The following NXPE2 variants were observed in gnomAD, a reference collection of about 807,000 sequenced individuals.
The protein encoded by NXPE2 is neurexophilin and PC-esterase domain family member 2, also known as NXPE family member 2.
NXPE2 carries 34 observed loss-of-function variants against 34.4 expected under a neutral mutation model. That is an observed-to-expected ratio of 0.99 (90% CI 0.75 to 1.31). The LOEUF is 1.31. Ranked by LOEUF, NXPE2 falls within the 40% of genes most tolerant of loss-of-function variation. The probability of loss-of-function intolerance (pLI) is 0.00; values close to 1 mark genes in which losing one functional copy is unlikely to be tolerated. For synonymous variants in NXPE2, 235 were observed against 231.3 expected, an observed-to-expected ratio of 1.02 and a Z score of -0.15; for missense variants, 649 against 672.5, an observed-to-expected ratio of 0.97 and a Z score of 0.39.
chr11:114,705,619 C>A (rs576095895), intron 4 of NXPE2, among the ~76,000 whole-genome samples, 162 bp from the exon 5 acceptor site: 4 of 152,114 alleles, frequency 2.6e-5, no homozygotes, highest in Admixed American at 2.6e-4. Context: ...ACCCTTTTAA[C>A]ATGATCTTAT....
chr11:114,678,699 C>T, intron 1 of NXPE2, 98 bp downstream of exon 1: 1 of 837,802 alleles, frequency 1.2e-6, no homozygotes. Context: ...TGATGCAACC[C>T]TTTAGAGGAT....
At chr11:114,647,480 T>C in the NXPE2 span, among the ~76,000 whole-genome samples, 3 of 152,194 alleles carry the variant, frequency 2.0e-5, no homozygotes, top group Non-Finnish European at 4.4e-5. Context: ...TACCATGTTT[T>C]ATTTCCTTAA....
chr11:114,737,119 A>G, the NXPE2 span, among the ~76,000 whole-genome samples: 3 of 152,258 alleles, frequency 2.0e-5, no homozygotes, highest in South Asian at 2.1e-4. Context: ...CTTATTTTCT[A>G]TGTTCTGACA....
intron 2 of NXPE2, among the ~76,000 whole-genome samples, chr11:114,684,224 G>A (rs565176355): frequency 1.9e-4 from 29 of 152,124 alleles, no homozygotes; most frequent in African/African-American, 4.6e-4. Flanking sequence ...TCAGGAGATC[G>A]AGACCATCCT....
the NXPE2 span, among the ~76,000 whole-genome samples, chr11:114,548,826 A>G: frequency 1.3e-5 from 2 of 151,932 alleles, no homozygotes; most frequent in Non-Finnish European, 2.9e-5. Flanking sequence ...TAATGCATTA[A>G]AATACAGAAA....
At chr11:114,574,779 A>G in the NXPE2 span, among the ~76,000 whole-genome samples, 1 of 152,028 alleles carries the variant, frequency 6.6e-6, no homozygotes, top group Non-Finnish European at 1.5e-5. Context: ...AAATTCAAAC[A>G]AATCCTATTC....
At chr11:114,582,509 G>T in the NXPE2 span, 1 of 1,614,122 alleles carries the variant, frequency 6.2e-7, no homozygotes, top group Non-Finnish European at 8.5e-7. Context: ...GGCCAGTGAA[G>T]ATCACCCTGT....
the NXPE2 span, among the ~76,000 whole-genome samples, chr11:114,656,247 G>A: frequency 2.0e-5 from 3 of 152,016 alleles, no homozygotes; most frequent in African/African-American, 7.2e-5. Context: ...TCTTCAAGGA[G>A]AACTACAAGC....
the NXPE2 span, chr11:114,527,796 A>T: frequency 7.1e-7 from 1 of 1,413,102 alleles, no homozygotes; most frequent in Non-Finnish European, 9.7e-7. Context: ...TGCTGATAAA[A>T]GTTTCCTCTG....
At chr11:114,679,511 T>C in intron 1 of NXPE2, 146 bp from the exon 2 acceptor site, 1 of 481,858 alleles carries the variant, frequency 2.1e-6, no homozygotes, top group Non-Finnish European at 3.7e-6. Context: ...TGTTTCTGAT[T>C]GACAATAGAA....
chr11:114,586,395 G>T, the NXPE2 span, among the ~76,000 whole-genome samples: 1 of 152,106 alleles, frequency 6.6e-6, no homozygotes, highest in African/African-American at 2.4e-5. Flanking sequence ...TATAGAAGTG[G>T]ACCCCAACTC....
At chr11:114,474,298 A>T in the NXPE2 span, among the ~76,000 whole-genome samples, 38,531 of 151,992 alleles carry the variant, frequency 0.25, 5,023 homozygotes, top group East Asian at 0.37. Flanking sequence ...GTTAGAGAGG[A>T]GATCCAAAGG....
chr11:114,685,646 A>ATG (rs937099350), intron 2 of NXPE2, among the ~76,000 whole-genome samples: 10 of 151,992 alleles, frequency 6.6e-5, no homozygotes, highest in African/African-American at 1.2e-4. Flanking sequence ...TAGTGTGTGT[A>ATG]TGTGTGTGTG....
chr11:114,787,176 C>T, the NXPE2 span, among the ~76,000 whole-genome samples: 257 of 146,292 alleles, frequency 1.8e-3, no homozygotes, highest in African/African-American at 6.0e-3. Flanking sequence ...CAGGCGCACA[C>T]ACACAAAAAA....
At chr11:114,487,882 A>G in the NXPE2 span, among the ~76,000 whole-genome samples, 1 of 152,070 alleles carries the variant, frequency 6.6e-6, no homozygotes, top group African/African-American at 2.4e-5. Context: ...TGATCATTTT[A>G]ATGTGTTGTT....
At chr11:114,744,971 C>A in the NXPE2 span, among the ~76,000 whole-genome samples, 3,954 of 152,060 alleles carry the variant, frequency 0.026, 174 homozygotes, top group African/African-American at 0.09. Context: ...GCAGTTAATA[C>A]AAAACATTAA....
the NXPE2 span, among the ~76,000 whole-genome samples, chr11:114,543,172 A>T: frequency 7.2e-5 from 11 of 152,174 alleles, no homozygotes; most frequent in Non-Finnish European, 1.5e-4. Flanking sequence ...CCTGGCCAAC[A>T]TGGTGAAACT....
chr11:114,800,617 CATT>C, the NXPE2 span, among the ~76,000 whole-genome samples: 1 of 152,138 alleles, frequency 6.6e-6, no homozygotes, highest in South Asian at 2.1e-4. Flanking sequence ...CATATTCTAG[CATT>C]ATATTTACTT....
At chr11:114,806,061 C>T in the NXPE2 span, among the ~76,000 whole-genome samples, 1 of 152,128 alleles carries the variant, frequency 6.6e-6, no homozygotes, top group Non-Finnish European at 1.5e-5. Flanking sequence ...CTGCAGCCAC[C>T]GCTGCTGGTA....
Sources: allele counts gnomAD v4.1 joint callset (sites outside exome capture counted in the v4.1 genomes callset), GRCh38; gene constraint gnomAD v4.1.1; transcripts MANE v1.5; gene names NCBI Gene and HGNC (gene_info 2026-07-23, HGNC 2026-07-21).